Variants in UBASH3B observed in about 807,000 individuals in gnomAD.
UBASH3B encodes ubiquitin-associated and SH3 domain-containing protein B.
UBASH3B carries 37 observed loss-of-function variants against 83.4 expected under a neutral mutation model. The observed-to-expected ratio is 0.44, with a 90% confidence interval of 0.34 to 0.58. The LOEUF is 0.58. Ranked by LOEUF, UBASH3B falls within the 20% of genes least tolerant of loss-of-function variation. The probability of loss-of-function intolerance (pLI) is 0.01; values close to 1 mark genes in which losing one functional copy is unlikely to be tolerated. For missense variants in UBASH3B, 657 were observed against 827.2 expected, an observed-to-expected ratio of 0.79 and a Z score of 2.52; for synonymous variants, 304 against 318.3, an observed-to-expected ratio of 0.96 and a Z score of 0.48.
intron 1 of UBASH3B, among the ~76,000 whole-genome samples, chr11:122,765,636 T>G (rs184335862): frequency 6.6e-6 from 1 of 152,206 alleles, no homozygotes; most frequent in African/African-American, 2.4e-5. Flanking sequence ...AGACTAGAAG[T>G]GGTTGATAAT....
chr11:122,706,927 T>C (rs1349709906), intron 1 of UBASH3B, among the ~76,000 whole-genome samples: 1 of 152,240 alleles, frequency 6.6e-6, no homozygotes, highest in Admixed American at 6.5e-5. Flanking sequence ...TCTGTTGTCA[T>C]TAGTCCACAA....
chr11:122,730,591 CTTTT>C (rs71054094), intron 1 of UBASH3B, among the ~76,000 whole-genome samples: 1 of 141,770 alleles, frequency 7.1e-6, no homozygotes, highest in Non-Finnish European at 1.5e-5. Flanking sequence ...TATTTGGATT[CTTTT>C]TTTTTTTTTT....
intron 1 of UBASH3B, among the ~76,000 whole-genome samples, chr11:122,694,954 CTTTTTTTTTTTT>C (rs71054088): frequency 4.0e-5 from 2 of 50,414 alleles, no homozygotes; most frequent in Non-Finnish European, 7.1e-5. Flanking sequence ...TCTTTTCTTT[CTTTTTTTTTTTT>C]TTTTTTTTTT....
At chr11:122,729,702 G>A (rs1860804719) in intron 1 of UBASH3B, among the ~76,000 whole-genome samples, 1 of 139,704 alleles carries the variant, frequency 7.2e-6, no homozygotes, top group South Asian at 2.3e-4. Flanking sequence ...GCTCATGCCT[G>A]TAATCCTAAC....
intron 1 of UBASH3B, among the ~76,000 whole-genome samples, chr11:122,671,303 A>T (rs1161526826): frequency 6.6e-6 from 1 of 152,064 alleles, no homozygotes; most frequent in African/African-American, 2.4e-5. Flanking sequence ...AGGCAGGCAG[A>T]TTGCTTAAGG....
chr11:122,723,358 T>G (rs911403799), intron 1 of UBASH3B, among the ~76,000 whole-genome samples: 2 of 152,210 alleles, frequency 1.3e-5, no homozygotes, highest in Non-Finnish European at 2.9e-5. Context: ...AGTTAGTGAA[T>G]AGTAGAGCCA....
At chr11:122,768,504 G>GTATATA (rs747038629) in intron 1 of UBASH3B, among the ~76,000 whole-genome samples, 9 of 135,208 alleles carry the variant, frequency 6.7e-5, no homozygotes, top group Non-Finnish European at 1.3e-4. Context: ...GTGTGTGTGT[G>GTATATA]TGTGTATATA....
chr11:122,781,574 G>T (rs565521117), intron 4 of UBASH3B, among the ~76,000 whole-genome samples: 2 of 152,294 alleles, frequency 1.3e-5, no homozygotes, highest in South Asian at 4.2e-4. Flanking sequence ...GGCCGGCTTC[G>T]TTTCTCTGCT....
At chr11:122,802,438 G>C (rs1006396413) in intron 11 of UBASH3B, among the ~76,000 whole-genome samples, 1 of 151,980 alleles carries the variant, frequency 6.6e-6, no homozygotes, top group African/African-American at 2.4e-5. Flanking sequence ...TTATAATGGG[G>C]AATTAAGTTC....
chr11:122,701,617 C>T (rs1241625986), intron 1 of UBASH3B, among the ~76,000 whole-genome samples: 8 of 152,072 alleles, frequency 5.3e-5, no homozygotes, highest in African/African-American at 1.4e-4. Flanking sequence ...CATTGGCATA[C>T]GGTCCTGTAG....
chr11:122,661,575 G>A (rs534090012), intron 1 of UBASH3B, among the ~76,000 whole-genome samples: 1 of 152,300 alleles, frequency 6.6e-6, no homozygotes, highest in South Asian at 2.1e-4. Context: ...GGGCAAGGAA[G>A]TCTCTAATCT....
chr11:122,716,212 C>T (rs1002242884), intron 1 of UBASH3B, among the ~76,000 whole-genome samples: 2 of 152,204 alleles, frequency 1.3e-5, no homozygotes, highest in Admixed American at 6.5e-5. Context: ...CACTCTGTTG[C>T]CCAGACTGGA....
intron 1 of UBASH3B, among the ~76,000 whole-genome samples, chr11:122,761,429 CT>C (rs1192345965): frequency 2.6e-5 from 4 of 152,342 alleles, no homozygotes; most frequent in African/African-American, 9.6e-5. Flanking sequence ...TGTGATTATA[CT>C]GATGCACTTC....
In UBASH3B at chr11:122,703,207, C is replaced by A. The variant is rs565588196; in HGVS notation, c.161+46997C>A. Among the ~76,000 whole-genome samples, 226 of 152,114 alleles carry A rather than the reference C, an allele frequency of 1.5e-3. 1 individual carries two copies. Among genetic ancestry groups the A allele is most frequent in the African/African-American group, 4.9e-3 (205 of 41,510 alleles). On this transcript the variant is annotated intron_variant, in intron 1 of 13. Transcript: ENST00000284273. ...CTTTGGGAGGCTGAGGTGGGCGGAT[C>A]ACGAGGTCGGGAGATTGAGAGCATC...
intron 1 of UBASH3B, among the ~76,000 whole-genome samples, chr11:122,677,404 A>G (rs896765286): frequency 6.7e-6 from 1 of 148,250 alleles, no homozygotes; most frequent in African/African-American, 2.5e-5. Context: ...CCTAACTCCT[A>G]TATACTACAT....
At chr11:122,720,742 C>T (rs1400543525) in intron 1 of UBASH3B, among the ~76,000 whole-genome samples, 1 of 152,174 alleles carries the variant, frequency 6.6e-6, no homozygotes, top group African/African-American at 2.4e-5. Context: ...CTCTCCCTCC[C>T]TGACTCATTC....
chr11:122,799,090 C>T, intron 10 of UBASH3B, 56 bp downstream of exon 10: 1 of 1,415,042 alleles, frequency 7.1e-7, no homozygotes, highest in African/African-American at 1.4e-5. Flanking sequence ...TCTAGGCAGC[C>T]CCACACATAA....
intron 1 of UBASH3B, among the ~76,000 whole-genome samples, chr11:122,767,809 A>G (rs1201586863): frequency 6.6e-6 from 1 of 152,214 alleles, no homozygotes; most frequent in Non-Finnish European, 1.5e-5. Flanking sequence ...TGGGACAGGT[A>G]CTGTAGAGAC....
intron 1 of UBASH3B, among the ~76,000 whole-genome samples, chr11:122,688,625 C>CTTTTCTTTTA (rs2135916408): frequency 7.3e-6 from 1 of 137,400 alleles, no homozygotes; most frequent in African/African-American, 2.8e-5. Context: ...TTTTTTCTTT[C>CTTTTCTTTTA]TTTTATTTTA....
Sources: allele counts gnomAD v4.1 joint callset (sites outside exome capture counted in the v4.1 genomes callset), GRCh38; gene constraint gnomAD v4.1.1; transcripts MANE v1.5; gene names NCBI Gene and HGNC (gene_info 2026-07-23, HGNC 2026-07-21).